The following SPTLC1 variants were observed in gnomAD, a reference collection of about 807,000 sequenced individuals.
SPTLC1 encodes the protein serine palmitoyltransferase long chain base subunit 1.
A neutral mutation model predicts 68.9 loss-of-function variants in SPTLC1; 55 were observed. The ratio of observed to expected loss-of-function variants is 0.80; its 90% confidence interval spans 0.64 to 1.00. The LOEUF (loss-of-function observed/expected upper bound fraction) is 1.00, where lower values mean the gene tolerates loss of function less well. Among genes scored for constraint, SPTLC1 ranks in the 50% least tolerant of loss-of-function variants. SPTLC1 has a pLI of 0.00. For synonymous variants in SPTLC1, 197 were observed against 201.6 expected, an observed-to-expected ratio of 0.98 and a Z score of 0.19; for missense variants, 449 against 573.1, an observed-to-expected ratio of 0.78 and a Z score of 2.21.
At chr9:92,045,783 A>G (rs1306245934) in intron 12 of SPTLC1, among the ~76,000 whole-genome samples, 2 of 152,148 alleles carry the variant, frequency 1.3e-5, no homozygotes, top group Non-Finnish European at 2.9e-5. Flanking sequence ...ATATTTTATT[A>G]ATGAGTTTGT....
At chr9:92,094,238 A>T (rs1445610418) in intron 3 of SPTLC1, among the ~76,000 whole-genome samples, 2 of 152,226 alleles carry the variant, frequency 1.3e-5, no homozygotes, top group Non-Finnish European at 2.9e-5. Flanking sequence ...GGTGATAGAG[A>T]AGAGGTTTAT....
intron 7 of SPTLC1, among the ~76,000 whole-genome samples, chr9:92,056,777 C>A (rs76533283): frequency 0.05 from 7,608 of 152,042 alleles, 252 homozygotes; most frequent in Middle Eastern, 0.065. Flanking sequence ...TATTTTACAA[C>A]CCACAGCAGT....
Position 92,032,235 on chromosome 9 carries a change from G to C in SPTLC1, c.*230C>G. On this transcript the variant is annotated 3_prime_UTR_variant, in exon 15 of 15. Transcript: ENST00000262554. ...AAACATCAGTTATACACTGTCATTA[G>C]TTTTCCTCTTAAAAAAATCAGTTCC... The C allele has an allele frequency of 1.3e-6, 2 of 1,483,132 alleles. No homozygotes were observed. Among genetic ancestry groups the C allele is most frequent in the South Asian group, 1.3e-5 (1 of 78,168 alleles). 91.9% of individuals were successfully genotyped at this position (1,483,132 alleles called of 1,614,324 possible).
chr9:92,069,469 G>A (rs1460608585), intron 5 of SPTLC1, among the ~76,000 whole-genome samples: 5 of 152,144 alleles, frequency 3.3e-5, no homozygotes, highest in African/African-American at 7.2e-5. Context: ...TTAGAAGAAC[G>A]TATCCCAGGT....
chr9:92,100,552 GCTCAC>G (rs1198706500), intron 3 of SPTLC1, among the ~76,000 whole-genome samples: 1 of 152,100 alleles, frequency 6.6e-6, no homozygotes, highest in East Asian at 1.9e-4. Context: ...CCATCAGTGC[GCTCAC>G]CAACTGGCCC....
chr9:92,054,221 C>T (rs143497704), intron 8 of SPTLC1, among the ~76,000 whole-genome samples: 81 of 152,208 alleles, frequency 5.3e-4, no homozygotes, highest in Middle Eastern at 3.4e-3. Context: ...CCAGAGGTTG[C>T]GGTGAGCCGA....
chr9:92,036,510 A>G (rs1398632403), intron 13 of SPTLC1, among the ~76,000 whole-genome samples: 3 of 152,260 alleles, frequency 2.0e-5, no homozygotes, highest in African/African-American at 7.2e-5. Context: ...AACATGAAGC[A>G]TGTGTGGACA....
intron 8 of SPTLC1, chr9:92,050,469 T>G (rs1833668227): frequency 3.8e-6 from 1 of 266,526 alleles, no homozygotes; most frequent in Admixed American, 5.0e-5. Context: ...GTGCCGTCTA[T>G]TACTCCTAGT....
At chr9:92,083,154 G>A (rs1834958193) in intron 3 of SPTLC1, among the ~76,000 whole-genome samples, 1 of 151,854 alleles carries the variant, frequency 6.6e-6, no homozygotes. Context: ...TTTGTCAGAT[G>A]AGTAGGTTGT....
In SPTLC1 at chr9:92,068,031, T is replaced by A. The variant is rs774926879; in HGVS notation, c.495A>T (p.Ser165=). 2 of 1,612,808 alleles carry A rather than the reference T, an allele frequency of 1.2e-6. No individual in the cohort carries two copies. The highest frequency in any genetic ancestry group is 2.2e-5 in the South Asian group (2 of 91,060). The stretch of plus-strand genomic sequence containing the variant: ...CACTGGCTATGGTGGCAAATCCATA[T>A]GAGTATATAATGGCTTCTTCTGTCT... ...FMKTEEAIIY[S]YGFATIASAI... is the part of the protein sequence containing the mutation. Residue 165 remains serine, a synonymous_variant, in exon 6 of 15, where the codon TCA becomes TCT. Transcript: ENST00000262554.
chr9:92,039,595 T>A (rs1357611592), intron 12 of SPTLC1, among the ~76,000 whole-genome samples: 1 of 152,210 alleles, frequency 6.6e-6, no homozygotes, highest in African/African-American at 2.4e-5. Flanking sequence ...GTGATATATG[T>A]CTATTTGAAA....
chr9:92,058,616 G>C (rs993144105), intron 7 of SPTLC1, among the ~76,000 whole-genome samples: 2 of 152,142 alleles, frequency 1.3e-5, no homozygotes, highest in Non-Finnish European at 2.9e-5. Flanking sequence ...GTTCTCGAGA[G>C]GAAACAGCTG....
intron 5 of SPTLC1, among the ~76,000 whole-genome samples, chr9:92,071,536 C>T (rs1834491162): frequency 6.6e-6 from 1 of 152,214 alleles, no homozygotes; most frequent in Non-Finnish European, 1.5e-5. Context: ...CATGCGGTAT[C>T]TTATGTGATC....
intron 12 of SPTLC1, among the ~76,000 whole-genome samples, chr9:92,042,872 A>G (rs1833398594): frequency 6.6e-6 from 1 of 152,240 alleles, no homozygotes; most frequent in East Asian, 1.9e-4. Flanking sequence ...ACAAATGGGA[A>G]CCTGGTATAT....
chr9:92,093,387 T>C (rs553990557), intron 3 of SPTLC1, among the ~76,000 whole-genome samples: 366 of 152,268 alleles, frequency 2.4e-3, no homozygotes, highest in African/African-American at 8.1e-3. Flanking sequence ...ACAAGGATGC[T>C]TGGTATCTTT....
At chr9:92,033,710 T>C (rs7848987) in intron 14 of SPTLC1, among the ~76,000 whole-genome samples, 81,083 of 151,954 alleles carry the variant, frequency 0.53, 24,754 homozygotes, top group African/African-American at 0.85. Context: ...CGTGCACCAC[T>C]ATGCCTGGCT....
chr9:92,062,119 G>A (rs1834126972), intron 6 of SPTLC1, among the ~76,000 whole-genome samples: 1 of 151,902 alleles, frequency 6.6e-6, no homozygotes, highest in South Asian at 2.1e-4. Context: ...AATAATATAG[G>A]TAGTAAAAAA....
chr9:92,065,876 C>T (rs1002512935), intron 6 of SPTLC1, among the ~76,000 whole-genome samples: 1 of 152,174 alleles, frequency 6.6e-6, no homozygotes, highest in African/African-American at 2.4e-5. Flanking sequence ...GTCACATGTA[C>T]TGCAGAAGCC....
chr9:92,039,416 CTATTAT>C (rs57709426), intron 12 of SPTLC1, among the ~76,000 whole-genome samples: 13 of 151,538 alleles, frequency 8.6e-5, no homozygotes, highest in African/African-American at 1.5e-4. Context: ...TGTCATACTA[CTATTAT>C]TATTATTATT....
Sources: allele counts gnomAD v4.1 joint callset (sites outside exome capture counted in the v4.1 genomes callset), GRCh38; gene constraint gnomAD v4.1.1; transcripts MANE v1.5; gene names NCBI Gene and HGNC (gene_info 2026-07-23, HGNC 2026-07-21).